The following DNAJA3 variants were observed in gnomAD, a reference collection of about 807,000 sequenced individuals.
DNAJA3 encodes DnaJ heat shock protein family (Hsp40) member A3.
A neutral mutation model predicts 54.9 loss-of-function variants in DNAJA3; 29 were observed. The ratio of observed to expected loss-of-function variants is 0.53; its 90% CI spans 0.39 to 0.72. The LOEUF is 0.72. Ranked by LOEUF, DNAJA3 falls within the 30% of genes least tolerant of loss-of-function variation. The pLI, the probability that DNAJA3 is intolerant of heterozygous loss-of-function variation, is 0.00. For synonymous variants in DNAJA3, 302 were observed against 251.4 expected (o/e 1.20, Z -1.90); for missense variants, 708 against 639.4 (o/e 1.11, Z -1.16).
chr16:4,440,001 C>T (rs548026065), intron 3 of DNAJA3, among the ~76,000 whole-genome samples: 3 of 152,098 alleles, frequency 2.0e-5, no homozygotes, highest in South Asian at 2.1e-4. Flanking sequence ...GGTGCAATCA[C>T]GGTTCACTGC....
At position 4,426,054 on chromosome 16, in the gene DNAJA3, G is replaced by A. The variant is rs1258881108; in HGVS notation, c.173G>A (p.Arg58Gln). 1 of 1,603,552 alleles carries A rather than the reference G, an allele frequency of 6.2e-7. No homozygotes were observed. Among genetic ancestry groups the A allele is most frequent in the Non-Finnish European group, 8.5e-7 (1 of 1,175,590 alleles). Residue 58 changes from arginine to glutamine, a missense_variant, in exon 1 of 12, where the codon CGA (arginine) becomes CAA (glutamine). Coordinates refer to ENST00000262375, the MANE Select transcript of DNAJA3 (RefSeq NM_005147.6). ...TCTTCCCTGACCTCTTGCGGCCCCCGAGCGCTGCTGACATTGAGACCTGGT... is the reference window on the plus strand; with the variant it reads ...TCTTCCCTGACCTCTTGCGGCCCCCAAGCGCTGCTGACATTGAGACCTGGT... ...FASSLTSCGP[R>Q]ALLTLRPGVS...
chr16:4,443,023 A>G lies in DNAJA3; in HGVS notation c.790A>G (p.Ile264Val). The G allele has an allele frequency of 6.2e-7, 1 of 1,613,722 alleles. No individual in the cohort carries two copies. The highest frequency in any genetic ancestry group is 8.5e-7 in the Non-Finnish European group (1 of 1,179,828). The change falls in exon 6 of 12, where the codon ATC becomes GTC. Residue 264 changes from isoleucine (I) to valine (V), a missense_variant. Transcript: ENST00000262375. ...HYCGGSGMET[I>V]NTGPFVMRST... ...TTTTTCTTGTTTTTATCAGGAAACC[A>G]TCAACACAGGCCCTTTTGTGATGCG...
At chr16:4,447,386 G>T in intron 8 of DNAJA3, 1 of 187,010 alleles carries the variant, frequency 5.3e-6, no homozygotes, top group Non-Finnish European at 1.1e-5. Flanking sequence ...TTGCCACAGT[G>T]ATGGCTGCCT....
chr16:4,437,567 T>A, intron 3 of DNAJA3, 82 bp downstream of exon 3: 1 of 1,141,444 alleles, frequency 8.8e-7, no homozygotes, highest in Non-Finnish European at 1.3e-6. Flanking sequence ...TGGGACAGCC[T>A]GGTGTGTCAT....
intron 7 of DNAJA3, 78 bp downstream of exon 7, chr16:4,444,806 A>G: frequency 3.1e-6 from 4 of 1,292,824 alleles, no homozygotes; most frequent in Non-Finnish European, 4.4e-6. Flanking sequence ...GCTCCCATGT[A>G]ATCAAAGCTT....
At chr16:4,447,200 C>CTATG in intron 8 of DNAJA3, 186 bp downstream of exon 8, 2 of 621,786 alleles carry the variant, frequency 3.2e-6, no homozygotes, top group Non-Finnish European at 5.4e-6. Flanking sequence ...GGCCTTGAGT[C>CTATG]TATAATCGCA....
In DNAJA3 at chr16:4,442,369, C is replaced by G; in HGVS notation, c.732C>G (p.Asn244Lys). ...GTGAGCGCTGCAACGGCAAGGGGAA[C>G]GAGCCCGGCACCAAGGTGCAGCATT... ...DTCERCNGKG[N>K]EPGTKVQHCH... is the part of the protein sequence containing the mutation. The change falls in exon 5 of 12, where the codon AAC (asparagine) becomes AAG (lysine). Residue 244 changes from asparagine to lysine, a missense_variant. Asn to Lys is a moderately conservative substitution (Grantham distance 94). Coordinates refer to ENST00000262375, the MANE Select transcript of DNAJA3 (RefSeq NM_005147.6). 1.2e-6 allele frequency: 2 copies of G among 1,609,298 alleles called. No homozygotes were observed. The highest frequency in any genetic ancestry group is 8.5e-7 in the Non-Finnish European group (1 of 1,177,684).
At chr16:4,453,779 C>T (rs1378929450) in intron 10 of DNAJA3, among the ~76,000 whole-genome samples, 1 of 152,206 alleles carries the variant, frequency 6.6e-6, no homozygotes. Flanking sequence ...TAGCCTCCCT[C>T]ACCCCTTCCC....
chr16:4,442,486 G>A, intron 5 of DNAJA3, 66 bp downstream of exon 5: 2 of 1,481,372 alleles, frequency 1.4e-6, no homozygotes, highest in Non-Finnish European at 1.8e-6. Flanking sequence ...GCTGGTTGTG[G>A]CACTGCTCCC....
rs1320519111 is a variant in DNAJA3 at position 4,428,981 on chromosome 16, C to T, written c.211+2889C>T. ...TCGGCTCACTGCAAACTCCGCCTCC[C>T]GGGTTCAGGCCATTCTCCTGCCTCA... On this transcript the variant is annotated intron_variant, in intron 1 of 11. Coordinates refer to ENST00000262375, the MANE Select transcript of DNAJA3 (RefSeq NM_005147.6). Among the ~76,000 whole-genome samples the T allele has an allele frequency of 1.8e-3, 273 of 151,106 alleles. 5 individuals carry two copies. The highest frequency in any genetic ancestry group is 2.1e-4 in the Non-Finnish European group (14 of 67,790).
chr16:4,453,131 G>A (rs554268277), intron 10 of DNAJA3, among the ~76,000 whole-genome samples: 1 of 151,900 alleles, frequency 6.6e-6, no homozygotes, highest in Non-Finnish European at 1.5e-5. Context: ...CATAGCTCAC[G>A]GCAGCCTCAA....
intron 1 of DNAJA3, chr16:4,433,417 A>G (rs1389591797): frequency 1.3e-5 from 2 of 152,144 alleles, no homozygotes; most frequent in Non-Finnish European, 2.9e-5. Context: ...AGCAGGGGAC[A>G]CTTTTACTTC....
chr16:4,444,810 A>T, intron 7 of DNAJA3, 82 bp downstream of exon 7: 1 of 1,252,032 alleles, frequency 8.0e-7, no homozygotes, highest in South Asian at 1.3e-5. Context: ...CCATGTAATC[A>T]AAGCTTCACA....
rs930825785 is a variant in DNAJA3, at chr16:4,434,997, A to T, written c.345+480A>T. 6.2e-4 allele frequency among the ~76,000 whole-genome samples: 92 copies of T among 148,262 alleles called. 1 individual carries two copies. The highest frequency in any genetic ancestry group is 2.3e-3 in the African/African-American group (90 of 39,756). ...CTGCAACCTCTGCCTCCTGGGTTCA[A>T]GCAGTTCTCCTGTGTCCGCCTCCCA... On this transcript the variant is annotated intron_variant, in intron 2 of 11. Coordinates refer to ENST00000262375, the MANE Select transcript of DNAJA3 (RefSeq NM_005147.6).
intron 3 of DNAJA3, chr16:4,441,071 TGAAGAATCCAG>T: frequency 6.6e-6 from 3 of 457,270 alleles, no homozygotes; most frequent in South Asian, 3.6e-5. Flanking sequence ...TGTGAATCTG[TGAAGAATCCAG>T]GGTGCCTGTG....
chr16:4,441,698 C>A, intron 4 of DNAJA3, 123 bp downstream of exon 4: 2 of 877,714 alleles, frequency 2.3e-6, no homozygotes, highest in Non-Finnish European at 3.5e-6. Flanking sequence ...CTGGAGGCAG[C>A]CATTTTAGTA....
chr16:4,451,864 G>C (rs2141396338), intron 10 of DNAJA3, among the ~76,000 whole-genome samples: 1 of 148,148 alleles, frequency 6.8e-6, no homozygotes, highest in African/African-American at 2.5e-5. Flanking sequence ...TTTGAGACCA[G>C]CCTGACCAAC....
At position 4,447,358 on chromosome 16, in the gene DNAJA3, G is replaced by A. The variant is rs147564854; in HGVS notation, c.1125+344G>A. ...GTCTGGCTCCAAGAGCAGAAGACTC[G>A]GGCGGTGCATATCCCTTTTGCCACA... On this transcript the variant is annotated intron_variant, in intron 8 of 11. Coordinates refer to ENST00000262375, the MANE Select transcript of DNAJA3 (RefSeq NM_005147.6). 675 of 234,162 alleles carry A rather than the reference G, an allele frequency of 2.9e-3. 2 individuals carry two copies. Among genetic ancestry groups the A allele is most frequent in the African/African-American group, 0.014 (621 of 43,924 alleles). The allele number at this position is 234,162 out of a possible 1,614,324, so 14.5% of individuals were successfully genotyped here.
At chr16:4,445,926 CT>C (rs765532043) in intron 7 of DNAJA3, among the ~76,000 whole-genome samples, 1 of 127,346 alleles carries the variant, frequency 7.9e-6, no homozygotes, top group African/African-American at 2.6e-5. Flanking sequence ...CCTTTTTTTT[CT>C]TTTTTTTTTC....
Sources: allele counts gnomAD v4.1 joint callset (sites outside exome capture counted in the v4.1 genomes callset), GRCh38; gene constraint gnomAD v4.1.1; transcripts MANE v1.5; gene names NCBI Gene and HGNC (gene_info 2026-07-23, HGNC 2026-07-21).